DOCK8: variants seen among roughly 807,000 people sequenced by gnomAD.
DOCK8 encodes the protein dedicator of cytokinesis protein 8.
DOCK8 carries 141 observed loss-of-function variants against 245.6 expected under a neutral mutation model. That is an observed-to-expected ratio of 0.57 (90% CI 0.50 to 0.66). The LOEUF (loss-of-function observed/expected upper bound fraction) is 0.66. Among genes scored for constraint, DOCK8 ranks in the 30% least tolerant of loss-of-function variants. The pLI is 0.00. For missense variants in DOCK8, 2,965 were observed against 2,603.4 expected (o/e 1.14, Z -3.02); for synonymous variants, 1,168 against 970.2 (o/e 1.20, Z -3.79).
chr9:251,972 C>CTTT (rs34456943), intron 1 of DOCK8, among the ~76,000 whole-genome samples: 2 of 130,610 alleles, frequency 1.5e-5, no homozygotes, highest in Admixed American at 7.7e-5. Flanking sequence ...ATTGTGTTTT[C>CTTT]TTTTTTTTTT....
At chr9:269,768 G>C (rs985041263) in intron 1 of DOCK8, among the ~76,000 whole-genome samples, 4 of 152,030 alleles carry the variant, frequency 2.6e-5, no homozygotes, top group African/African-American at 9.7e-5. Flanking sequence ...ATGTTGGCCA[G>C]GCTGGTCATG....
chr9:218,464 T>C (rs921704135), intron 1 of DOCK8, among the ~76,000 whole-genome samples: 1 of 152,214 alleles, frequency 6.6e-6, no homozygotes, highest in African/African-American at 2.4e-5. Context: ...GTTGCTGACT[T>C]GCGTGCCAAG....
chr9:370,816 G>A (rs1186463463), intron 16 of DOCK8, among the ~76,000 whole-genome samples: 1 of 152,184 alleles, frequency 6.6e-6, no homozygotes, highest in African/African-American at 2.4e-5. Flanking sequence ...CACAGTGTTG[G>A]ACGGAATTGG....
chr9:374,370 A>AT lies in DOCK8; in HGVS notation c.2110-1834dup, dbSNP rs2053427614. ...AAAAATGTGAAATATTGTATTAATA[A>AT]TTTTTTACATTGATTACATATTGAA... On this transcript the variant is annotated intron_variant, in intron 18 of 47. Transcript: ENST00000432829. Among the ~76,000 whole-genome samples, 4 of 151,384 alleles carry AT rather than the reference A, an allele frequency of 2.6e-5. No individual in the cohort carries two copies. In the South Asian group the frequency reaches 8.3e-4, roughly 32 times the overall value.
At chr9:288,029 C>T (rs1280358451) in intron 3 of DOCK8, among the ~76,000 whole-genome samples, 1 of 150,678 alleles carries the variant, frequency 6.6e-6, no homozygotes, top group Non-Finnish European at 1.5e-5. Context: ...AAACAAAAAA[C>T]AGTACAATGA....
At chr9:360,624 CG>C (rs2052683566) in intron 14 of DOCK8, among the ~76,000 whole-genome samples, 1 of 152,088 alleles carries the variant, frequency 6.6e-6, no homozygotes, top group African/African-American at 2.4e-5. Context: ...TTATTGATTT[CG>C]GTTTTGAGGT....
At chr9:441,248 G>C (rs778194126) in intron 40 of DOCK8, 38 bp from the exon 41 acceptor site, 3 of 1,613,574 alleles carry the variant, frequency 1.9e-6, no homozygotes, top group South Asian at 2.2e-5. Flanking sequence ...GTTTCCAGTG[G>C]ATTAAATTCT....
In DOCK8 at chr9:312,194, A is replaced by T. The variant is rs12344468; in HGVS notation, c.741+28A>T. The T allele has an allele frequency of 0.037, 59,455 of 1,610,534 alleles. 1,473 individuals carry two copies. Among genetic ancestry groups the T allele is most frequent in the African/African-American group, 0.092 (6,906 of 74,954 alleles). Reference sequence around the variant, plus strand: ...GGGTGCCACTGTTTCCATACTGGAGAATCTCAGTGAAGACTCTGAGAGTCA... The same window carrying T: ...GGGTGCCACTGTTTCCATACTGGAGTATCTCAGTGAAGACTCTGAGAGTCA... On this transcript the variant is annotated intron_variant, in intron 6 of 47. Transcript: ENST00000432829.
intron 26 of DOCK8, among the ~76,000 whole-genome samples, chr9:399,623 C>T (rs368638212): frequency 6.6e-6 from 1 of 152,220 alleles, no homozygotes; most frequent in East Asian, 1.9e-4. Flanking sequence ...TCTCTTTTCA[C>T]ATATTAGGGT....
intron 5 of DOCK8, among the ~76,000 whole-genome samples, chr9:306,993 C>T (rs1248810380): frequency 1.3e-5 from 2 of 152,116 alleles, no homozygotes; most frequent in African/African-American, 2.4e-5. Context: ...CTGGTACCTT[C>T]AAGGAGGTAA....
chr9:243,178 A>G (rs1195517959), intron 1 of DOCK8, among the ~76,000 whole-genome samples: 2 of 152,194 alleles, frequency 1.3e-5, no homozygotes, highest in African/African-American at 4.8e-5. Flanking sequence ...AGTGGTATAA[A>G]GCATGAAACT....
At chr9:309,803 G>A (rs192974111) in intron 5 of DOCK8, among the ~76,000 whole-genome samples, 62 of 152,298 alleles carry the variant, frequency 4.1e-4, no homozygotes, top group African/African-American at 1.4e-3. Context: ...AATTTGGAAG[G>A]CTCCTCACAA....
At position 388,858 on chromosome 9, in the gene DOCK8, G is replaced by A. The variant is rs369733833; in HGVS notation, c.2875-1613G>A. Among the ~76,000 whole-genome samples, 320 of 152,190 alleles carry A rather than the reference G, an allele frequency of 2.1e-3. 1 individual carries two copies. The highest frequency in any genetic ancestry group is 0.014 in the Middle Eastern group (4 of 294). ...CATGAGTCAACACACCTAGCCCTCT[G>A]TGGATAATTTAAACGACTGTCAAGA... is the stretch of plus-strand genomic sequence containing the variant. On this transcript the variant is annotated intron_variant, in intron 23 of 47. Transcript: ENST00000432829.
intron 1 of DOCK8, among the ~76,000 whole-genome samples, chr9:253,191 A>G (rs902520621): frequency 6.6e-6 from 1 of 152,182 alleles, no homozygotes; most frequent in East Asian, 1.9e-4. Flanking sequence ...GTATGAAATT[A>G]GGTGGATATA....
chr9:431,434 C>T (rs1374241742), intron 36 of DOCK8, among the ~76,000 whole-genome samples: 1 of 152,040 alleles, frequency 6.6e-6, no homozygotes, highest in African/African-American at 2.4e-5. Flanking sequence ...TTCCATGGGC[C>T]TGTAAAGAAA....
chr9:330,878 C>T (rs2050979532), intron 9 of DOCK8, among the ~76,000 whole-genome samples: 1 of 152,124 alleles, frequency 6.6e-6, no homozygotes, highest in South Asian at 2.1e-4. Flanking sequence ...TCATGAAGTA[C>T]CTGGAGTTCT....
chr9:389,713 C>T (rs577904240), intron 23 of DOCK8, among the ~76,000 whole-genome samples: 10 of 152,166 alleles, frequency 6.6e-5, no homozygotes, highest in African/African-American at 1.9e-4. Context: ...TCAGGCCCTG[C>T]AGGAGATTCT....
chr9:415,308 G>T (rs75887901), intron 29 of DOCK8, among the ~76,000 whole-genome samples: 1 of 151,958 alleles, frequency 6.6e-6, no homozygotes, highest in Non-Finnish European at 1.5e-5. Flanking sequence ...TTGAAATAAA[G>T]GTGTTCCTTC....
At position 382,757 on chromosome 9, in the gene DOCK8, C is replaced by G. The variant is rs549874115; in HGVS notation, c.2778+72C>G. The G allele has an allele frequency of 2.8e-4, 446 of 1,565,244 alleles. No individual in the cohort carries two copies. The highest frequency in any genetic ancestry group is 3.0e-4 in the Non-Finnish European group (345 of 1,154,122). ...TTTTAACTAAAACTTGGAGAAGTAA[C>G]ACAGAAGCAACCACTACTGCTGCCC... On this transcript the variant is annotated intron_variant, in intron 22 of 47. Coordinates refer to ENST00000432829, the MANE Select transcript of DOCK8 (RefSeq NM_203447.4).
Sources: gnomAD v4.1 joint callset for allele counts (sites outside exome capture counted in the v4.1 genomes callset) on GRCh38, gnomAD v4.1.1 for gene constraint, MANE v1.5 for transcripts, NCBI Gene and HGNC (gene_info 2026-07-23, HGNC 2026-07-21) for gene names.